XPO5: variants seen among roughly 807,000 people sequenced by gnomAD.
XPO5 encodes the protein exportin 5.
XPO5 carries 46 observed loss-of-function variants against 160.6 expected under a neutral mutation model. The ratio of observed to expected loss-of-function variants is 0.29; its 90% CI spans 0.23 to 0.37. XPO5 has a LOEUF of 0.37. Ranked by LOEUF, XPO5 falls within the 10% of genes least tolerant of loss-of-function variation. XPO5 has a pLI of 1.00. For synonymous variants in XPO5, 537 were observed against 519.3 expected (o/e 1.03, Z -0.46); for missense variants, 1,090 against 1,463.9 (o/e 0.74, Z 4.17).
chr6:43,560,859 G>A (rs1267037112), intron 10 of XPO5, 65 bp downstream of exon 10: 4 of 1,273,616 alleles, frequency 3.1e-6, no homozygotes, highest in African/African-American at 2.9e-5. Context: ...TAATATTTCA[G>A]GACACAGTGC....
Position 43,575,543 on chromosome 6 carries a change from G to A in XPO5, c.105+217C>T, listed in dbSNP as rs1446038582. 2.0e-5 allele frequency among the ~76,000 whole-genome samples: 3 copies of A among 152,354 alleles called. No individual in the cohort carries two copies. In the East Asian group the frequency reaches 5.8e-4, roughly 29 times the overall value. On this transcript the variant is annotated intron_variant, in intron 1 of 31. Transcript: ENST00000265351. ...GCGGCGAGATGAGAAGCAGCATAGG[G>A]ACCGGAGTGTCCCAGGCAAAGGACA...
At chr6:43,554,280 A>ATT (rs886875201) in intron 13 of XPO5, among the ~76,000 whole-genome samples, 1 of 142,028 alleles carries the variant, frequency 7.0e-6, no homozygotes, top group Non-Finnish European at 1.6e-5. Flanking sequence ...TAATTTTTGT[A>ATT]TTTTTTTTTT....
chr6:43,539,346 G>A, intron 20 of XPO5: 2 of 1,579,582 alleles, frequency 1.3e-6, no homozygotes, highest in Middle Eastern at 3.6e-4. Flanking sequence ...CTGGTGCGCT[G>A]GCCAGCACGG....
intron 20 of XPO5, among the ~76,000 whole-genome samples, chr6:43,536,330 G>A (rs1409535736): frequency 6.6e-6 from 1 of 151,002 alleles, no homozygotes. Context: ...CATAAGAATC[G>A]CTTGAACCCA....
At chr6:43,539,678 C>CT in intron 20 of XPO5, 1 of 925,812 alleles carries the variant, frequency 1.1e-6, no homozygotes, top group Non-Finnish European at 1.6e-6. Flanking sequence ...TCCAGGCCCC[C>CT]CCACTGCACC....
At chr6:43,547,810 G>A in intron 18 of XPO5, 103 bp from the exon 19 acceptor site, 1 of 907,012 alleles carries the variant, frequency 1.1e-6, no homozygotes, top group Non-Finnish European at 1.7e-6. Flanking sequence ...CTTAAGAGCA[G>A]TTTTTATAGT....
chr6:43,551,387 G>A lies in XPO5; in HGVS notation c.1639C>T (p.Leu547Phe). ...MVLNFDTKDP[L>F]ILSCVLTNVS... is the part of the protein sequence containing the mutation. ...TTAGTAAGGACGCAGGACAGGATGA[G>A]GGGATCCTTGGTATCAAAGTTCAGA... is the stretch of plus-strand genomic sequence containing the variant. The change falls in exon 15 of 32, where the codon CTC becomes TTC. Residue 547 changes from leucine (L) to phenylalanine (F), a missense_variant. Physicochemically the swap from Leu to Phe is conservative, Grantham distance 22. Coordinates refer to ENST00000265351, the MANE Select transcript of XPO5 (RefSeq NM_020750.3). 1.2e-6 allele frequency: 2 copies of A among 1,613,930 alleles called. No individual in the cohort carries two copies. Among genetic ancestry groups the A allele is most frequent in the Non-Finnish European group, 1.7e-6 (2 of 1,179,850 alleles).
chr6:43,526,035 G>T, intron 27 of XPO5, 114 bp from the exon 28 acceptor site: 2 of 1,195,170 alleles, frequency 1.7e-6, no homozygotes, highest in Non-Finnish European at 2.4e-6. Flanking sequence ...GCTAAGTGGT[G>T]GCTAAGTAGT....
intron 13 of XPO5, 159 bp downstream of exon 13, chr6:43,555,677 T>A: frequency 1.3e-6 from 1 of 760,346 alleles, no homozygotes; most frequent in Admixed American, 3.4e-5. Flanking sequence ...TTTCTTTGTG[T>A]CAGCCAATGA....
chr6:43,560,112 C>A lies in XPO5; in HGVS notation c.1221+66G>T, dbSNP rs933593918. 2.6e-6 allele frequency: 4 copies of A among 1,552,452 alleles called. No homozygotes were observed. In the Admixed American group the frequency reaches 5.5e-5, roughly 21 times the overall value. Reference sequence around the variant, plus strand: ...GGGATTATAGGCGTGAGCCACCGCACCCAGCCTCAAAGTCTTATTATGTGT... The same window carrying A: ...GGGATTATAGGCGTGAGCCACCGCAACCAGCCTCAAAGTCTTATTATGTGT... On this transcript the variant is annotated intron_variant, in intron 11 of 31. Coordinates refer to ENST00000265351, the MANE Select transcript of XPO5 (RefSeq NM_020750.3).
intron 20 of XPO5, among the ~76,000 whole-genome samples, chr6:43,540,062 C>A (rs551505458): frequency 1.3e-5 from 2 of 152,162 alleles, no homozygotes; most frequent in Non-Finnish European, 2.9e-5. Flanking sequence ...TGAGAACCAG[C>A]CTGGCCAACA....
In XPO5 at chr6:43,549,948, G is replaced by A. The variant is rs1795147666; in HGVS notation, c.1729-14C>T. 1 of 1,611,258 alleles carries A rather than the reference G, an allele frequency of 6.2e-7. No homozygotes were observed. On this transcript the variant is annotated splice_polypyrimidine_tract_variant and intron_variant, in intron 15 of 31. Transcript: ENST00000265351. ...AGATGAAAATAGCTAAGGGAGAGGA[G>A]GAAAAAAGGTCACTCATGTTTATTT...
chr6:43,537,958 CTCGAGAGGCTGAGGCAG>C (rs1310619716), intron 20 of XPO5, among the ~76,000 whole-genome samples: 11 of 151,024 alleles, frequency 7.3e-5, no homozygotes, highest in South Asian at 2.1e-4. Flanking sequence ...ATCCCAGCTA[CTCGAGAGGCTGAGGCAG>C]TCGAGAGGCT....
chr6:43,565,851 T>A (rs1480968270), intron 7 of XPO5, 115 bp from the exon 8 acceptor site: 1 of 761,134 alleles, frequency 1.3e-6, no homozygotes, highest in East Asian at 3.1e-5. Flanking sequence ...TACCCCAGGG[T>A]TTAGTGAAAC....
At chr6:43,565,270 TTAAG>T (rs1426005582) in intron 8 of XPO5, among the ~76,000 whole-genome samples, 4 of 151,976 alleles carry the variant, frequency 2.6e-5, no homozygotes, top group East Asian at 1.9e-4. Flanking sequence ...CAGCTAGCAT[TTAAG>T]TAAGAACTTC....
rs1261588016 is a variant in XPO5 at position 43,525,217 on chromosome 6, G to T, written c.3067-3C>A. The T allele has an allele frequency of 1.3e-6, 2 of 1,569,638 alleles. No individual in the cohort carries two copies. Among genetic ancestry groups the T allele is most frequent in the East Asian group, 2.3e-5 (1 of 42,826 alleles). On this transcript the variant is annotated splice_region_variant and splice_polypyrimidine_tract_variant and intron_variant, in intron 28 of 31. Coordinates refer to ENST00000265351, the MANE Select transcript of XPO5 (RefSeq NM_020750.3). ...ATTAATAGCGCTGTACAAACATCCTGAACAGGAAAAGATGAAGAGTTACAA... is the reference window on the plus strand; with the variant it reads ...ATTAATAGCGCTGTACAAACATCCTTAACAGGAAAAGATGAAGAGTTACAA...
intron 8 of XPO5, among the ~76,000 whole-genome samples, chr6:43,563,321 G>A (rs150264913): frequency 7.9e-5 from 12 of 152,170 alleles, no homozygotes; most frequent in Non-Finnish European, 1.3e-4. Context: ...TTTTTGTAGG[G>A]ATGAGGTCTT....
In XPO5 at chr6:43,526,746, C is replaced by T; in HGVS notation, c.2922G>A (p.Thr974=). 6 of 1,613,666 alleles carry T rather than the reference C, an allele frequency of 3.7e-6. No homozygotes were observed. Among genetic ancestry groups the T allele is most frequent in the South Asian group, 1.1e-5 (1 of 90,958 alleles). Residue 974 remains threonine, a splice_region_variant and synonymous_variant, in exon 27 of 32, where the codon ACG becomes ACA. Coordinates refer to ENST00000265351, the MANE Select transcript of XPO5 (RefSeq NM_020750.3). ...MLTREVMDLI[T]VCCVSKKGAD... ...CACCCTTCTTTGAAACACAGCAAAC[C>T]GCTAAAGCAAGAAAGCAGGGTTACT...
chr6:43,526,823 C>T, intron 26 of XPO5, 76 bp from the exon 27 acceptor site: 2 of 1,476,580 alleles, frequency 1.4e-6, no homozygotes, highest in African/African-American at 1.4e-5. Context: ...GCCCACTGAT[C>T]CCAACCTGTC....
Sources: allele counts gnomAD v4.1 joint callset (sites outside exome capture counted in the v4.1 genomes callset), GRCh38; gene constraint gnomAD v4.1.1; transcripts MANE v1.5; gene names NCBI Gene and HGNC (gene_info 2026-07-23, HGNC 2026-07-21).